Variants in SLC22A31 observed in about 807,000 individuals in gnomAD.
SLC22A31 encodes the protein solute carrier family 22 member 31, also known as putative solute carrier family 22 member 31.
In SLC22A31, 42 loss-of-function variants were observed where a neutral mutation model predicts 27.4. The ratio of observed to expected loss-of-function variants is 1.53; its 90% CI spans 1.20 to 1.98. The LOEUF (loss-of-function observed/expected upper bound fraction) is 1.98, where lower values mean the gene tolerates loss of function less well. Ranked by LOEUF, SLC22A31 falls within the 30% of genes most tolerant of loss-of-function variation. The pLI, the probability that SLC22A31 is intolerant of heterozygous loss-of-function variation, is 0.00. For missense variants in SLC22A31, 593 were observed against 479.9 expected (o/e 1.24, Z -2.20); for synonymous variants, 290 against 230.8 (o/e 1.26, Z -2.33).
In SLC22A31 at chr16:89,199,063, G is replaced by C; in HGVS notation, c.412C>G (p.Leu138Val). 6.5e-7 allele frequency: 1 copy of C among 1,535,652 alleles called. No individual in the cohort carries two copies. Among genetic ancestry groups the C allele is most frequent in the Non-Finnish European group, 8.7e-7 (1 of 1,146,728 alleles). ...LVQDWRLLQG[L>V]GALMSGLLLL... ...AAGAGTCCACTCATCAGGGCACCCA[G>C]CCCCTGCAGAAGACGCCAGTCCTGC... The change falls in exon 4 of 9, where the codon CTG (leucine) becomes GTG (valine). Residue 138 changes from leucine (L) to valine (V), a missense_variant. Coordinates refer to ENST00000682282, the MANE Select transcript of SLC22A31 (RefSeq NM_001384763.1).
chr16:89,196,407 G>C (rs1915927009), intron 8 of SLC22A31, 102 bp from the exon 9 acceptor site: 4 of 804,030 alleles, frequency 5.0e-6, no homozygotes, highest in Admixed American at 7.1e-5. Context: ...GAGTGTGTTG[G>C]GGGCAGCCAG....
rs1051170876 is a variant in SLC22A31, at chr16:89,199,377, C to A, written c.283+36G>T. On this transcript the variant is annotated intron_variant, in intron 3 of 8. Transcript: ENST00000682282. Reference sequence around the variant, plus strand: ...CAGAGGCCTGCGGGCCACCCACTGCCCCTCCCCCAGTGACAGCAGCCCCCA... The same window carrying A: ...CAGAGGCCTGCGGGCCACCCACTGCACCTCCCCCAGTGACAGCAGCCCCCA... The A allele has an allele frequency of 2.0e-5, 12 of 613,920 alleles. No individual in the cohort carries two copies. The African/African-American group carries it at 2.2e-4, about 11-fold the overall frequency. The allele number at this position is 613,920 out of a possible 1,614,324, so 38.0% of individuals were successfully genotyped here.
chr16:89,198,403 C>T (rs758235745), intron 6 of SLC22A31, 39 bp downstream of exon 6: 116 of 1,528,302 alleles, frequency 7.6e-5, no homozygotes, highest in Middle Eastern at 1.7e-4. Context: ...ATGCCCACCC[C>T]GGGGGATGGT....
chr16:89,195,905 A>T lies in SLC22A31; in HGVS notation c.*94T>A, dbSNP rs796588060. The T allele has an allele frequency of 5.3e-5, 70 of 1,320,556 alleles. 1 individual carries two copies. The African/African-American group carries it at 9.9e-4, about 19-fold the overall frequency. 81.8% of individuals were successfully genotyped at this position (1,320,556 alleles called of 1,614,324 possible). On this transcript the variant is annotated 3_prime_UTR_variant, in exon 9 of 9. Transcript: ENST00000682282. The stretch of plus-strand genomic sequence containing the variant: ...ACTGAGACACGGGCTTCTGAGAGGA[A>T]TGTGTCTGCCCTGGACCAGACGTCT...
At chr16:89,198,070 C>T (rs931518745) in intron 7 of SLC22A31, 52 bp downstream of exon 7, 65 of 1,518,770 alleles carry the variant, frequency 4.3e-5, no homozygotes, top group African/African-American at 4.1e-5. Flanking sequence ...TGTGGCAGAC[C>T]GTCGGCCCAA....
chr16:89,197,335 T>C lies in SLC22A31; in HGVS notation c.997A>G (p.Ser333Gly). Reference protein sequence around the residue: ...LASRAVSALSSLFAAEVFPTV... With the variant: ...LASRAVSALSGLFAAEVFPTV... ...GGGAAGACCTCGGCCGCGAAGAGGCTGCTGAGTGCGGACACAGCCCGGGAG... is the reference window on the plus strand; with the variant it reads ...GGGAAGACCTCGGCCGCGAAGAGGCCGCTGAGTGCGGACACAGCCCGGGAG... The change falls in exon 8 of 9, where the codon AGC (serine) becomes GGC (glycine). Residue 333 changes from serine (S) to glycine (G), a missense_variant. By Grantham distance (56) the Ser-to-Gly change is moderately conservative. Coordinates refer to ENST00000682282, the MANE Select transcript of SLC22A31 (RefSeq NM_001384763.1). 1 of 1,535,872 alleles carries C rather than the reference T, an allele frequency of 6.5e-7. No individual in the cohort carries two copies. Among genetic ancestry groups the C allele is most frequent in the East Asian group, 2.4e-5 (1 of 40,914 alleles).
At chr16:89,200,095 C>T (rs1916405621) in intron 1 of SLC22A31, 2 of 322,064 alleles carry the variant, frequency 6.2e-6, no homozygotes, top group Admixed American at 5.0e-5. Flanking sequence ...CTCCGCACAC[C>T]ATTGCTCTTC....
chr16:89,195,814 C>A lies in SLC22A31; in HGVS notation c.*185G>T. 1.6e-6 allele frequency: 1 copy of A among 611,742 alleles called. No homozygotes were observed. Among genetic ancestry groups the A allele is most frequent in the East Asian group, 3.1e-5 (1 of 32,252 alleles). The allele number at this position is 611,742 out of a possible 1,614,324, so 37.9% of individuals were successfully genotyped here. A position where few individuals can be genotyped will look rare whatever the true frequency, so the allele number is the denominator to read the frequency against. ...TACTGGGTGTGGCTGGGGGGAGACC[C>A]AGGGCCTCCCAGTGCCTGGGGCCTG... is the stretch of plus-strand genomic sequence containing the variant. On this transcript the variant is annotated 3_prime_UTR_variant, in exon 9 of 9. Transcript: ENST00000682282.
At position 89,198,281 on chromosome 16, in the gene SLC22A31, G is replaced by A; in HGVS notation, c.763C>T (p.Pro255Ser). ...SFRRSLAPQV[P>S]TFYLPYFLEA... ...AGGAAGTAGGGCAGGTAGAAGGTCG[G>A]CACCTGAGGTGCCAGGCTGCGGCGG... is the stretch of plus-strand genomic sequence containing the variant. Residue 255 changes from proline (P) to serine (S), a missense_variant, in exon 7 of 9, where the codon CCG (proline) becomes TCG (serine). Physicochemically the swap from Pro to Ser is moderately conservative, Grantham distance 74. Coordinates refer to ENST00000682282, the MANE Select transcript of SLC22A31 (RefSeq NM_001384763.1). The A allele has an allele frequency of 2.6e-6, 4 of 1,535,960 alleles. No homozygotes were observed. The highest frequency in any genetic ancestry group is 3.5e-6 in the Non-Finnish European group (4 of 1,146,908).
Position 89,199,456 on chromosome 16 carries a change from G to C in SLC22A31, c.240C>G (p.His80Gln). 1 of 536,886 alleles carries C rather than the reference G, an allele frequency of 1.9e-6. No homozygotes were observed. Among genetic ancestry groups the C allele is most frequent in the Non-Finnish European group, 3.3e-6 (1 of 299,394 alleles). 33.3% of individuals were successfully genotyped at this position (536,886 alleles called of 1,614,324 possible). The change falls in exon 3 of 9, where the codon CAC becomes CAG. Residue 80 changes from histidine to glutamine, a missense_variant. By Grantham distance (24) the His-to-Gln change is conservative (BLOSUM62 0). Coordinates refer to ENST00000682282, the MANE Select transcript of SLC22A31 (RefSeq NM_001384763.1). The part of the protein sequence containing the change: ...FPTLLVLRLL[H>Q]GGTLAGALLA... ...GGAGGGCCCCTGCCAATGTGCCCCC[G>C]TGGAGTAGGCGCAGGACCAGCAGGG...
At chr16:89,200,212 G>A (rs1916429536) in intron 1 of SLC22A31, 1 of 168,160 alleles carries the variant, frequency 5.9e-6, no homozygotes, top group Non-Finnish European at 1.3e-5. Flanking sequence ...ACCCCAGCCG[G>A]CCAAGGGTCA....
chr16:89,197,472 G>T lies in SLC22A31; in HGVS notation c.923-63C>A, dbSNP rs1484461046. The T allele has an allele frequency of 1.5e-5, 18 of 1,233,414 alleles. No homozygotes were observed. In the East Asian group the frequency reaches 4.6e-4, roughly 32 times the overall value. 76.4% of individuals were successfully genotyped at this position (1,233,414 alleles called of 1,614,324 possible). A position where few individuals can be genotyped will look rare whatever the true frequency, so the allele number is the denominator to read the frequency against. ...CAGGCCTTCCACCCTGGCCACTCAG[G>T]GCCCTTCCCCAGAGAACCACACCAC... On this transcript the variant is annotated intron_variant, in intron 7 of 8. Transcript: ENST00000682282.
rs529268282 is a variant in SLC22A31 at position 89,197,447 on chromosome 16, C to A, written c.923-38G>T. On this transcript the variant is annotated intron_variant, in intron 7 of 8. Transcript: ENST00000682282. ...AACAGGGGTTCCCAGGCTCTCTCCCCAGGCCTTCCACCCTGGCCACTCAGG... is the reference window on the plus strand; with the variant it reads ...AACAGGGGTTCCCAGGCTCTCTCCCAAGGCCTTCCACCCTGGCCACTCAGG... The A allele has an allele frequency of 1.7e-4, 250 of 1,461,822 alleles. 3 individuals carry two copies. The African/African-American group carries it at 3.1e-3, about 18-fold the overall frequency. The allele number at this position is 1,461,822 out of a possible 1,614,324, so 90.6% of individuals were successfully genotyped here.
chr16:89,200,805 A>C (rs552643806), upstream of SLC22A31, among the ~76,000 whole-genome samples: 3 of 152,268 alleles, frequency 2.0e-5, no homozygotes, highest in African/African-American at 7.2e-5. Context: ...CCCTTCAGGC[A>C]ATGCAGTCTC....
chr16:89,196,031 A>C lies in SLC22A31; in HGVS notation c.1309T>G (p.Tyr437Asp). 6.6e-7 allele frequency: 1 copy of C among 1,525,184 alleles called. No individual in the cohort carries two copies. The highest frequency in any genetic ancestry group is 8.8e-7 in the Non-Finnish European group (1 of 1,141,872). The allele number at this position is 1,525,184 out of a possible 1,614,324, so 94.5% of individuals were successfully genotyped here. ...HLPLLPPSNS[Y>D]WAGHTPEQH ...TGCTCGGGGGTGTGGCCGGCCCAGT[A>C]GGAGTTGGAGGGCGGCAGCAGAGGC... The change falls in exon 9 of 9, where the codon TAC (tyrosine) becomes GAC (aspartate). Residue 437 changes from tyrosine (Y) to aspartate (D), a missense_variant. Coordinates refer to ENST00000682282, the MANE Select transcript of SLC22A31 (RefSeq NM_001384763.1).
chr16:89,199,318 T>A (rs1916319979), intron 3 of SLC22A31, 95 bp downstream of exon 3: 1 of 969,758 alleles, frequency 1.0e-6, no homozygotes, highest in African/African-American at 1.6e-5. Context: ...CTGCTCACTG[T>A]CCCTGCAGCT....
upstream of SLC22A31, chr16:89,201,115 G>A (rs977616628): frequency 2.9e-5 from 11 of 375,950 alleles, no homozygotes; most frequent in Non-Finnish European, 3.8e-5. Context: ...GGCACCGTCG[G>A]GCCGGCGGCC....
upstream of SLC22A31, chr16:89,201,539 A>T (rs1175376929): frequency 2.5e-6 from 1 of 397,896 alleles, no homozygotes; most frequent in African/African-American, 2.1e-5. Flanking sequence ...GCTGCGCGGT[A>T]AGCAGCTCCT....
rs931445201 is a variant in SLC22A31 at position 89,199,795 on chromosome 16, C to T, written c.46G>A (p.Gly16Ser). The change falls in exon 2 of 9, where the codon GGC becomes AGC. Residue 16 changes from glycine (G) to serine (S), a missense_variant. By Grantham distance (56) the Gly-to-Ser change is moderately conservative (BLOSUM62 0). Transcript: ENST00000682282. ...ACCTGCTCCAGCGGGACCTTCCAGC[C>T]GTCTCCACACACAAGGTTCCACTAT... ...SQNWNLVCGD[G>S]WKVPLEQVSH... 11 of 403,328 alleles carry T rather than the reference C, an allele frequency of 2.7e-5. No individual in the cohort carries two copies. In the South Asian group the frequency reaches 3.7e-4, roughly 13 times the overall value. The allele number at this position is 403,328 out of a possible 1,614,324, so 25.0% of individuals were successfully genotyped here.
Sources: gnomAD v4.1 joint callset for allele counts (sites outside exome capture counted in the v4.1 genomes callset) on GRCh38, gnomAD v4.1.1 for gene constraint, MANE v1.5 for transcripts, NCBI Gene and HGNC (gene_info 2026-07-23, HGNC 2026-07-21) for gene names.